KCNT2: variants seen among roughly 807,000 people sequenced by gnomAD.
KCNT2 encodes the protein potassium channel subfamily T member 2.
Under a neutral mutation model 153.8 loss-of-function variants are expected in KCNT2, and 67 were observed. The observed-to-expected ratio is 0.44, with a 90% CI of 0.36 to 0.53. The LOEUF (loss-of-function observed/expected upper bound fraction) is 0.53. Ranked by LOEUF, KCNT2 falls within the 20% of genes least tolerant of loss-of-function variation. The pLI, the probability that KCNT2 is intolerant of heterozygous loss-of-function variation, is 0.00. For synonymous variants in KCNT2, 500 were observed against 458.8 expected (o/e 1.09, Z -1.15); for missense variants, 975 against 1,354.8 (o/e 0.72, Z 4.40).
intron 1 of KCNT2, among the ~76,000 whole-genome samples, chr1:196,598,448 G>A (rs1664344213): frequency 6.6e-6 from 1 of 152,138 alleles, no homozygotes; most frequent in African/African-American, 2.4e-5. Context: ...AAAGAACCAT[G>A]CTCTACATCT....
chr1:196,496,503 C>T (rs1346171416), intron 1 of KCNT2, among the ~76,000 whole-genome samples: 1 of 151,352 alleles, frequency 6.6e-6, no homozygotes, highest in African/African-American at 2.4e-5. Flanking sequence ...GATAACAAAT[C>T]CAATTTCACC....
At chr1:196,273,680 G>A (rs1209346763) in intron 25 of KCNT2, among the ~76,000 whole-genome samples, 1 of 151,724 alleles carries the variant, frequency 6.6e-6, no homozygotes, top group Non-Finnish European at 1.5e-5. Flanking sequence ...TATTTTTAAA[G>A]ATTCAGTCTT....
intron 8 of KCNT2, among the ~76,000 whole-genome samples, chr1:196,432,419 C>T (rs1674246135): frequency 6.6e-6 from 1 of 152,064 alleles, no homozygotes; most frequent in African/African-American, 2.4e-5. Flanking sequence ...ATGCTAGACC[C>T]CAACTCCGTA....
At chr1:196,261,597 T>A (rs561478301) in intron 25 of KCNT2, among the ~76,000 whole-genome samples, 4 of 152,012 alleles carry the variant, frequency 2.6e-5, no homozygotes, top group African/African-American at 9.6e-5. Context: ...ATCATTCATA[T>A]TTTGGGTGCA....
intron 12 of KCNT2, among the ~76,000 whole-genome samples, chr1:196,411,071 TTCC>T (rs1672270671): frequency 2.7e-4 from 1 of 3,674 alleles, no homozygotes; most frequent in Admixed American, 0.017. Flanking sequence ...CCTTCCTTCC[TTCC>T]TTCCTTCCTT....
chr1:196,281,649 T>C lies in KCNT2; in HGVS notation c.2781+624A>G, dbSNP rs531170829. Among the ~76,000 whole-genome samples the C allele has an allele frequency of 3.3e-5, 5 of 152,310 alleles. No homozygotes were observed. The South Asian group carries it at 1.0e-3, about 32-fold the overall frequency. ...TCATTCAGCATACTTGGACAAAGTA[T>C]ACTTATCTATAAAACAAAGGAGTTA... is the stretch of plus-strand genomic sequence containing the variant. On this transcript the variant is annotated intron_variant, in intron 24 of 27. Transcript: ENST00000294725.
chr1:196,275,060 G>A (rs749568735), intron 25 of KCNT2, among the ~76,000 whole-genome samples: 22 of 151,978 alleles, frequency 1.4e-4, no homozygotes, highest in Admixed American at 4.6e-4. Flanking sequence ...AATGGAATAA[G>A]TAAACATTAT....
intron 26 of KCNT2, among the ~76,000 whole-genome samples, chr1:196,236,621 C>T (rs554661486): frequency 6.6e-6 from 1 of 151,638 alleles, no homozygotes; most frequent in South Asian, 2.1e-4. Flanking sequence ...GCAAAGAATC[C>T]TCTAGAACAG....
intron 23 of KCNT2, among the ~76,000 whole-genome samples, chr1:196,284,325 T>A (rs1659447521): frequency 7.6e-6 from 1 of 131,484 alleles, no homozygotes; most frequent in Non-Finnish European, 1.6e-5. Flanking sequence ...ATCATGCAAT[T>A]TCCTGTATCT....
rs1371831993 is a variant in KCNT2, at chr1:196,318,667, A to T, written c.2348+817T>A. ...TACTTGGTTAGTATTATCATAACTGATGAGGTAAATTATATTAACATAGAA... is the reference window on the plus strand; with the variant it reads ...TACTTGGTTAGTATTATCATAACTGTTGAGGTAAATTATATTAACATAGAA... On this transcript the variant is annotated intron_variant, in intron 20 of 27. Coordinates refer to ENST00000294725, the MANE Select transcript of KCNT2 (RefSeq NM_198503.5). 2.6e-5 allele frequency among the ~76,000 whole-genome samples: 4 copies of T among 151,790 alleles called. No individual in the cohort carries two copies. In the East Asian group the frequency reaches 7.7e-4, roughly 29 times the overall value.
At chr1:196,576,244 C>G (rs1352509388) in intron 1 of KCNT2, among the ~76,000 whole-genome samples, 1 of 151,912 alleles carries the variant, frequency 6.6e-6, no homozygotes, top group Non-Finnish European at 1.5e-5. Flanking sequence ...AATATAAACA[C>G]AGATATATCA....
intron 1 of KCNT2, among the ~76,000 whole-genome samples, chr1:196,493,120 G>C (rs558184177): frequency 6.6e-6 from 1 of 152,074 alleles, no homozygotes; most frequent in Non-Finnish European, 1.5e-5. Context: ...TAAGTGAAAA[G>C]AGAAATCTTG....
chr1:196,465,587 G>A (rs1677539792), intron 7 of KCNT2, among the ~76,000 whole-genome samples, 200 bp from the exon 8 acceptor site: 1 of 151,746 alleles, frequency 6.6e-6, no homozygotes, highest in Non-Finnish European at 1.5e-5. Context: ...AGCTTGCATA[G>A]TTCAAAGATA....
intron 17 of KCNT2, among the ~76,000 whole-genome samples, chr1:196,332,291 C>A (rs115754283): frequency 0.021 from 3,186 of 152,192 alleles, 110 homozygotes; most frequent in African/African-American, 0.073. Context: ...TTTTACCTCT[C>A]AATTTTTTAA....
At chr1:196,258,536 T>C (rs1283624015) in intron 25 of KCNT2, 42 bp from the exon 26 acceptor site, 4 of 1,235,676 alleles carry the variant, frequency 3.2e-6, no homozygotes, top group Non-Finnish European at 4.6e-6. Flanking sequence ...ACTTTAGAAA[T>C]AAATATGGCT....
chr1:196,249,704 C>A (rs1204728070), intron 26 of KCNT2, among the ~76,000 whole-genome samples: 1 of 150,814 alleles, frequency 6.6e-6, no homozygotes, highest in South Asian at 2.1e-4. Context: ...ACCCAGGAGG[C>A]GAAGGTTACG....
intron 5 of KCNT2, among the ~76,000 whole-genome samples, chr1:196,469,753 G>A (rs901147110): frequency 2.6e-5 from 4 of 152,232 alleles, no homozygotes; most frequent in East Asian, 1.9e-4. Flanking sequence ...CACAGAATAC[G>A]TGTCCATGAA....
intron 13 of KCNT2, among the ~76,000 whole-genome samples, chr1:196,397,407 C>G (rs1671034925): frequency 6.6e-6 from 1 of 151,346 alleles, no homozygotes; most frequent in Admixed American, 6.6e-5. Flanking sequence ...ATATATTTTT[C>G]CATTTAATTT....
intron 12 of KCNT2, among the ~76,000 whole-genome samples, chr1:196,419,974 C>A (rs1442712322): frequency 1.3e-5 from 2 of 151,802 alleles, no homozygotes; most frequent in Non-Finnish European, 2.9e-5. Flanking sequence ...AATATTCTAC[C>A]CTAGTGTTTT....
Sources: allele counts gnomAD v4.1 joint callset (sites outside exome capture counted in the v4.1 genomes callset), GRCh38; gene constraint gnomAD v4.1.1; transcripts MANE v1.5; gene names NCBI Gene and HGNC (gene_info 2026-07-23, HGNC 2026-07-21).